The following CADM2 variants were observed in gnomAD, a reference collection of about 807,000 sequenced individuals.
CADM2 encodes the protein immunoglobulin superfamily member 4D.
A neutral mutation model predicts 49.8 loss-of-function variants in CADM2; 12 were observed. The ratio of observed to expected loss-of-function variants is 0.24; its 90% CI spans 0.15 to 0.39. The LOEUF (loss-of-function observed/expected upper bound fraction) is 0.39, where lower values mean the gene tolerates loss of function less well. Ranked by LOEUF, CADM2 falls within the 10% of genes least tolerant of loss-of-function variation. The probability of loss-of-function intolerance (pLI) is 1.00; values close to 1 mark genes in which losing one functional copy is unlikely to be tolerated. For synonymous variants in CADM2, 214 were observed against 175.4 expected, an observed-to-expected ratio of 1.22 and a Z score of -1.74; for missense variants, 378 against 492.3, an observed-to-expected ratio of 0.77 and a Z score of 2.20.
intron 1 of CADM2, among the ~76,000 whole-genome samples, chr3:85,237,853 G>A (rs943883843): frequency 6.6e-6 from 1 of 151,776 alleles, no homozygotes; most frequent in Non-Finnish European, 1.5e-5. Context: ...TGGAAAGTAA[G>A]TAATGTTATA....
chr3:85,364,672 A>G (rs2032613051), intron 1 of CADM2, among the ~76,000 whole-genome samples: 1 of 152,164 alleles, frequency 6.6e-6, no homozygotes, highest in African/African-American at 2.4e-5. Flanking sequence ...GAATTACTAC[A>G]GCCCCCAATC....
intron 3 of CADM2, among the ~76,000 whole-genome samples, chr3:85,860,105 T>G (rs2075467695): frequency 6.6e-6 from 1 of 152,196 alleles, no homozygotes; most frequent in Non-Finnish European, 1.5e-5. Context: ...ATATAATTTA[T>G]TTTGAAGTGT....
At chr3:85,307,523 GA>G (rs2044243467) in intron 1 of CADM2, among the ~76,000 whole-genome samples, 1 of 151,640 alleles carries the variant, frequency 6.6e-6, no homozygotes, top group African/African-American at 2.4e-5. Flanking sequence ...AAAACTCTAA[GA>G]ATCCATTTTT....
intron 1 of CADM2, among the ~76,000 whole-genome samples, chr3:85,096,423 T>G (rs972043986): frequency 6.6e-6 from 1 of 151,574 alleles, no homozygotes; most frequent in Non-Finnish European, 1.5e-5. Flanking sequence ...CAATGTGACT[T>G]GTTTGATGTC....
At chr3:85,312,901 A>G (rs1027651169) in intron 1 of CADM2, among the ~76,000 whole-genome samples, 7 of 152,186 alleles carry the variant, frequency 4.6e-5, no homozygotes, top group Non-Finnish European at 7.3e-5. Context: ...TTAAGAATTA[A>G]TTTATTTTTC....
At chr3:85,341,666 C>T (rs1276360735) in intron 1 of CADM2, among the ~76,000 whole-genome samples, 3 of 152,064 alleles carry the variant, frequency 2.0e-5, no homozygotes, top group African/African-American at 7.2e-5. Flanking sequence ...AACAAACCTG[C>T]ACATTCTGCA....
At chr3:85,056,168 C>A (rs2036071848) in intron 1 of CADM2, among the ~76,000 whole-genome samples, 1 of 151,996 alleles carries the variant, frequency 6.6e-6, no homozygotes, top group South Asian at 2.1e-4. Context: ...TTCTTAGTAT[C>A]CACTGATGAC....
rs577528020 is a variant in CADM2, at chr3:85,778,854, C to T, written c.89-23193C>T. 1.2e-4 allele frequency among the ~76,000 whole-genome samples: 18 copies of T among 152,226 alleles called. 1 individual carries two copies. The East Asian group carries it at 3.5e-3, about 29-fold the overall frequency. On this transcript the variant is annotated intron_variant, in intron 2 of 9. Coordinates refer to ENST00000383699, the MANE Select transcript of CADM2 (RefSeq NM_001167675.2). ...TTTACTTCTCTATTATCTCCTCTGA[C>T]CAAAAAATCTTTGCATAAATTTTAA...
intron 1 of CADM2, among the ~76,000 whole-genome samples, chr3:85,397,480 A>T (rs991348247): frequency 3.3e-5 from 5 of 152,188 alleles, no homozygotes; most frequent in African/African-American, 1.2e-4. Context: ...AAATAACGAA[A>T]ATACCCATCA....
At chr3:85,755,479 GT>G (rs777820706) in intron 2 of CADM2, among the ~76,000 whole-genome samples, 26 of 152,038 alleles carry the variant, frequency 1.7e-4, no homozygotes, top group Non-Finnish European at 3.5e-4. Flanking sequence ...CATTGTTCAA[GT>G]TTTTACTGAG....
intron 1 of CADM2, among the ~76,000 whole-genome samples, chr3:85,314,201 C>T (rs1172855834): frequency 6.6e-6 from 1 of 152,204 alleles, no homozygotes; most frequent in East Asian, 1.9e-4. Flanking sequence ...ACATATCTTT[C>T]ATTCAATAAT....
At chr3:84,973,789 T>C (rs992056220) in intron 1 of CADM2, among the ~76,000 whole-genome samples, 2 of 152,190 alleles carry the variant, frequency 1.3e-5, no homozygotes, top group African/African-American at 2.4e-5. Context: ...CTGTGTCATA[T>C]ATATTAAAAC....
Position 85,899,163 on chromosome 3 carries a change from G to A in CADM2, c.529+12836G>A, listed in dbSNP as rs530328255. 1.7e-3 allele frequency among the ~76,000 whole-genome samples: 249 copies of A among 150,898 alleles called. 1 individual carries two copies. Among genetic ancestry groups the A allele is most frequent in the Admixed American group, 3.6e-3 (54 of 15,134 alleles). Reference sequence around the variant, plus strand: ...GTAATATTAGTAGAGACAGGGTTTCGTCATTTTGACCAGGCTGGTCTTGAA... The same window carrying A: ...GTAATATTAGTAGAGACAGGGTTTCATCATTTTGACCAGGCTGGTCTTGAA... On this transcript the variant is annotated intron_variant, in intron 5 of 9. Coordinates refer to ENST00000383699, the MANE Select transcript of CADM2 (RefSeq NM_001167675.2).
intron 1 of CADM2, among the ~76,000 whole-genome samples, chr3:85,530,370 G>A (rs371308923): frequency 7.8e-6 from 1 of 128,268 alleles, no homozygotes; most frequent in African/African-American, 3.3e-5. Context: ...TCACTCTGTC[G>A]CCCAGGCTGG....
Position 84,959,130 on chromosome 3 carries a change from A to C in CADM2, c.-478A>C. 5.5e-6 allele frequency: 1 copy of C among 180,958 alleles called. No homozygotes were observed. The highest frequency in any genetic ancestry group is 1.2e-5 in the Non-Finnish European group (1 of 86,232). The allele number at this position is 180,958 out of a possible 1,614,324, so 11.2% of individuals were successfully genotyped here. A position where few individuals can be genotyped will look rare whatever the true frequency, so the allele number is the denominator to read the frequency against. On this transcript the variant is annotated 5_prime_UTR_variant, in exon 1 of 10. Coordinates refer to ENST00000383699, the MANE Select transcript of CADM2 (RefSeq NM_001167675.2). ...CACTGCTTCTACCTCCCCTCCCAGG[A>C]CCCCGAGACACCCCGGGCGCGAGCG...
At chr3:85,848,404 T>C (rs1284906313) in intron 3 of CADM2, among the ~76,000 whole-genome samples, 3 of 152,154 alleles carry the variant, frequency 2.0e-5, no homozygotes, top group Non-Finnish European at 4.4e-5. Flanking sequence ...ATGTTTCTCT[T>C]AGTAGTATGC....
intron 1 of CADM2, among the ~76,000 whole-genome samples, chr3:84,993,365 A>C (rs1464922101): frequency 6.6e-6 from 1 of 152,176 alleles, no homozygotes; most frequent in East Asian, 1.9e-4. Flanking sequence ...CTAAAGCAAT[A>C]CTCTCTCTGT....
intron 1 of CADM2, among the ~76,000 whole-genome samples, chr3:85,498,938 C>T (rs1212637265): frequency 1.3e-5 from 2 of 152,034 alleles, no homozygotes; most frequent in Admixed American, 6.5e-5. Flanking sequence ...GAATAAATAA[C>T]GTTAAGAATT....
chr3:85,454,749 T>C (rs2037916506), intron 1 of CADM2, among the ~76,000 whole-genome samples: 1 of 152,148 alleles, frequency 6.6e-6, no homozygotes, highest in Non-Finnish European at 1.5e-5. Flanking sequence ...ATGAACCAAC[T>C]GAAGTGCTAA....
Sources: allele counts gnomAD v4.1 joint callset (sites outside exome capture counted in the v4.1 genomes callset), GRCh38; gene constraint gnomAD v4.1.1; transcripts MANE v1.5; gene names NCBI Gene and HGNC (gene_info 2026-07-23, HGNC 2026-07-21).